Variants in LARP4B observed in about 807,000 individuals in gnomAD.
LARP4B encodes La ribonucleoprotein 4B.
In LARP4B, 12 loss-of-function variants were observed where a neutral mutation model predicts 89.8. That is an observed-to-expected ratio of 0.13 (90% CI 0.09 to 0.22). LARP4B has a LOEUF of 0.22. Ranked by LOEUF, LARP4B falls within the 10% of genes least tolerant of loss-of-function variation. The pLI is 1.00. For missense variants in LARP4B, 757 were observed against 947.7 expected (o/e 0.80, Z 2.64); for synonymous variants, 367 against 363.3 (o/e 1.01, Z -0.12).
chr10:984,738 C>T, the LARP4B span, among the ~76,000 whole-genome samples: 5 of 152,160 alleles, frequency 3.3e-5, no homozygotes, highest in South Asian at 6.2e-4. Context: ...GCCTGGACAA[C>T]ATGGCGAAAT....
intron 1 of LARP4B, chr10:924,364 GAAGA>G (rs1162907828): frequency 6.6e-6 from 1 of 152,220 alleles, no homozygotes; most frequent in African/African-American, 2.4e-5. Context: ...GTGTACACAA[GAAGA>G]AAGAGATTCC....
At chr10:940,531 A>AG in the LARP4B span, among the ~76,000 whole-genome samples, 1 of 151,840 alleles carries the variant, frequency 6.6e-6, no homozygotes, top group African/African-American at 2.4e-5. Context: ...TGGCGGGGGG[A>AG]GGGGGGCGCC....
chr10:809,121 G>A (rs2892159), downstream of LARP4B: 53,101 of 152,022 alleles, frequency 0.35, 10,254 homozygotes, highest in South Asian at 0.46. Flanking sequence ...GAGGGGCCCC[G>A]CCTCCCGCCA....
rs545710508 is a variant in LARP4B at position 873,684 on chromosome 10, C to A, written c.142-9414G>T. On this transcript the variant is annotated intron_variant, in intron 3 of 17. Transcript: ENST00000316157. Reference sequence around the variant, plus strand: ...AAATAAATAGCAATTTAAAAAGAGACGAAAAAATCAAAGGAGAGCAAAAAA... The same window carrying A: ...AAATAAATAGCAATTTAAAAAGAGAAGAAAAAATCAAAGGAGAGCAAAAAA... 2.0e-5 allele frequency among the ~76,000 whole-genome samples: 3 copies of A among 151,252 alleles called. 1 individual carries two copies. The highest frequency in any genetic ancestry group is 2.9e-5 in the Non-Finnish European group (2 of 67,858).
intron 1 of LARP4B, among the ~76,000 whole-genome samples, chr10:904,820 C>T (rs35825568): frequency 0.15 from 23,040 of 152,028 alleles, 1,890 homozygotes; most frequent in Non-Finnish European, 0.17. Context: ...TACTCCCATG[C>T]GAGCAAGGGT....
chr10:866,301 T>C (rs1834895262), intron 3 of LARP4B, among the ~76,000 whole-genome samples: 2 of 152,250 alleles, frequency 1.3e-5, no homozygotes, highest in African/African-American at 4.8e-5. Flanking sequence ...CCTTCTTGCA[T>C]TGCATCTAAA....
intron 3 of LARP4B, among the ~76,000 whole-genome samples, chr10:864,673 G>T (rs1365205823): frequency 2.0e-5 from 3 of 152,238 alleles, no homozygotes; most frequent in Non-Finnish European, 2.9e-5. Context: ...AAACAAGTCA[G>T]CAGGGCGCGG....
At chr10:883,556 G>A (rs543320924) in intron 3 of LARP4B, among the ~76,000 whole-genome samples, 1 of 151,706 alleles carries the variant, frequency 6.6e-6, no homozygotes, top group African/African-American at 2.4e-5. Context: ...ATGTAAAACA[G>A]AATACATAAA....
intron 14 of LARP4B, 141 bp downstream of exon 14, chr10:820,659 A>T: frequency 1.3e-6 from 1 of 749,694 alleles, no homozygotes; most frequent in South Asian, 1.9e-5. Context: ...GGTGTCAGTT[A>T]TTACTTAGTG....
the LARP4B span, among the ~76,000 whole-genome samples, chr10:952,599 A>G: frequency 2.1e-5 from 1 of 47,016 alleles, no homozygotes; most frequent in South Asian, 9.6e-4. Context: ...CCCAGAACCA[A>G]CTGCATAACA....
intron 11 of LARP4B, among the ~76,000 whole-genome samples, chr10:827,275 C>CAAAGAAAAAGAAAAAAA (rs370175927): frequency 1.3e-5 from 2 of 151,090 alleles, no homozygotes; most frequent in Non-Finnish European, 1.5e-5. Context: ...GACTCTGTCT[C>CAAAGAAAAAGAAAAAAA]AAAGAAAAAG....
intron 7 of LARP4B, among the ~76,000 whole-genome samples, chr10:839,018 C>T (rs1833378636): frequency 6.6e-6 from 1 of 152,192 alleles, no homozygotes; most frequent in Non-Finnish European, 1.5e-5. Flanking sequence ...TCTGAAGAGG[C>T]TACATCCTAT....
downstream of LARP4B, chr10:807,547 C>T (rs892224433): frequency 7.9e-5 from 12 of 152,440 alleles, no homozygotes; most frequent in Admixed American, 7.8e-4. Context: ...CTGCAAGCCC[C>T]TCTGGGTGGA....
chr10:887,963 G>A (rs1027805344), intron 1 of LARP4B, among the ~76,000 whole-genome samples: 1 of 151,932 alleles, frequency 6.6e-6, no homozygotes, highest in Non-Finnish European at 1.5e-5. Context: ...GGTGGAGGTT[G>A]CAGTTAGCTG....
At chr10:938,639 G>A in the LARP4B span, among the ~76,000 whole-genome samples, 1 of 152,162 alleles carries the variant, frequency 6.6e-6, no homozygotes, top group Admixed American at 6.5e-5. Context: ...GAGGGGTTAA[G>A]ATATCTGCAA....
At chr10:872,453 G>C (rs1835264429) in intron 3 of LARP4B, among the ~76,000 whole-genome samples, 1 of 152,204 alleles carries the variant, frequency 6.6e-6, no homozygotes, top group African/African-American at 2.4e-5. Context: ...GCTTGGGCAG[G>C]CAGAGTCGGC....
intron 5 of LARP4B, 24 bp downstream of exon 5, chr10:863,719 A>C (rs1413958148): frequency 2.6e-6 from 4 of 1,568,130 alleles, no homozygotes; most frequent in Non-Finnish European, 3.4e-6. Flanking sequence ...TCCCTGGGAA[A>C]ATGCACCCAT....
At chr10:881,237 A>T (rs555824141) in intron 3 of LARP4B, among the ~76,000 whole-genome samples, 1 of 152,246 alleles carries the variant, frequency 6.6e-6, no homozygotes, top group South Asian at 2.1e-4. Flanking sequence ...GTCACTCTTC[A>T]TCATAAACAC....
chr10:911,653 G>C (rs144037188), intron 1 of LARP4B, among the ~76,000 whole-genome samples: 1 of 152,096 alleles, frequency 6.6e-6, no homozygotes, highest in Non-Finnish European at 1.5e-5. Context: ...GACCCGCTTC[G>C]GAACACAGGA....
Sources: allele counts gnomAD v4.1 joint callset (sites outside exome capture counted in the v4.1 genomes callset), GRCh38; gene constraint gnomAD v4.1.1; transcripts MANE v1.5; gene names NCBI Gene and HGNC (gene_info 2026-07-23, HGNC 2026-07-21).